Variants in BCL2L12 observed in about 807,000 individuals in gnomAD.
BCL2L12 encodes bcl-2-like protein 12.
BCL2L12 carries 27 observed loss-of-function variants against 25.7 expected under a neutral mutation model. The observed-to-expected ratio is 1.05, with a 90% confidence interval of 0.78 to 1.45. BCL2L12 has a LOEUF of 1.45. BCL2L12 is among the 40% of genes most tolerant of loss of function. The probability of loss-of-function intolerance (pLI) is 0.00; values close to 1 mark genes in which losing one functional copy is unlikely to be tolerated. For missense variants in BCL2L12, 302 were observed against 329.8 expected (o/e 0.92, Z 0.65); for synonymous variants, 132 against 145.6 (o/e 0.91, Z 0.67).
rs1256400432 is a variant in BCL2L12, at chr19:49,672,900, C to T, written c.703-798C>T. On this transcript the variant is annotated intron_variant, in intron 6 of 6. Coordinates refer to ENST00000246784, the MANE Select transcript of BCL2L12 (RefSeq NM_138639.2). This position sits in a 1 kb window ranked among gnomAD's most constrained non-coding sequence, Gnocchi z 4.1. ...TTTTAATTTTTCAGATGGAGTCTCA[C>T]TCTATTGCCCAGACTGGAGTGCAGT... 6.6e-6 allele frequency among the ~76,000 whole-genome samples: 1 copy of T among 152,220 alleles called. No homozygotes were observed. Among genetic ancestry groups the T allele is most frequent in the African/African-American group, 2.4e-5 (1 of 41,458 alleles).
intron 5 of BCL2L12, 150 bp from the exon 6 acceptor site, chr19:49,670,066 A>G: frequency 9.3e-7 from 1 of 1,076,090 alleles, no homozygotes; most frequent in Non-Finnish European, 1.3e-6. Flanking sequence ...GAGACCCTGG[A>G]GTCTGGCTTG....
intron 1 of BCL2L12, among the ~76,000 whole-genome samples, chr19:49,666,385 G>A (rs932280934): frequency 4.6e-5 from 7 of 152,180 alleles, no homozygotes; most frequent in African/African-American, 1.7e-4. Context: ...AGACCTAAGG[G>A]TCTGGGGCTC....
At chr19:49,668,555 G>C (rs1209457393) in intron 3 of BCL2L12, among the ~76,000 whole-genome samples, 2 of 152,024 alleles carry the variant, frequency 1.3e-5, no homozygotes, top group African/African-American at 4.8e-5. Context: ...TGTAATCCTA[G>C]CACTTTGGGA....
chr19:49,665,689 G>C (rs1193357460), upstream of BCL2L12: 7 of 1,233,740 alleles, frequency 5.7e-6, no homozygotes, highest in Admixed American at 2.4e-5. Flanking sequence ...TTGGAGCTCC[G>C]GGTAGCTCTC....
intron 6 of BCL2L12, among the ~76,000 whole-genome samples, chr19:49,673,260 A>G (rs897811778): frequency 4.6e-5 from 7 of 151,860 alleles, no homozygotes; most frequent in African/African-American, 1.7e-4. Flanking sequence ...GAATGATCCC[A>G]TTTAAACCCA....
At position 49,666,715 on chromosome 19, in the gene BCL2L12, G is replaced by T. The variant is rs766881200; in HGVS notation, c.23G>T (p.Gly8Val). MAGSEEL[G>V]LREDTLRVLA... The stretch of plus-strand genomic sequence containing the variant: ...TCCATGGCAGGCTCTGAAGAGCTGG[G>T]GCTCCGGGAAGACACGCTGAGGGTC... Residue 8 changes from glycine to valine, a missense_variant, in exon 2 of 7, where the codon GGG becomes GTG. Transcript: ENST00000246784. 7.1e-6 allele frequency: 11 copies of T among 1,554,842 alleles called. No individual in the cohort carries two copies. Among genetic ancestry groups the T allele is most frequent in the South Asian group, 5.9e-5 (5 of 84,354 alleles).
At position 49,670,343 on chromosome 19, in the gene BCL2L12, C is replaced by T. The variant is rs1370531087; in HGVS notation, c.557C>T (p.Pro186Leu). The T allele has an allele frequency of 1.1e-5, 18 of 1,599,028 alleles. No individual in the cohort carries two copies. The highest frequency in any genetic ancestry group is 4.0e-5 in the African/African-American group (3 of 74,600). ...CCAAGCCGAGCATGCCCCGGGCCCC[C>T]GCCTCCTTCCCCGGAGCCCCTGGCC... is the stretch of plus-strand genomic sequence containing the variant. ...SRPSRACPGP[P>L]PPSPEPLARL... Residue 186 changes from proline (P) to leucine (L), a missense_variant, in exon 6 of 7, where the codon CCG (proline) becomes CTG (leucine). Transcript: ENST00000246784.
chr19:49,671,984 TGGA>T (rs2081970012), intron 6 of BCL2L12: 1 of 152,350 alleles, frequency 6.6e-6, no homozygotes, highest in South Asian at 2.1e-4. Flanking sequence ...CAACAGATGG[TGGA>T]ATTGACTTGT....
At chr19:49,671,790 C>G (rs1344198551) in intron 6 of BCL2L12, among the ~76,000 whole-genome samples, 3 of 152,134 alleles carry the variant, frequency 2.0e-5, no homozygotes, top group Non-Finnish European at 2.9e-5. Flanking sequence ...TCCAACAGTG[C>G]CTGCCAGGAT....
chr19:49,665,945 G>C lies in BCL2L12; in HGVS notation c.-131G>C, dbSNP rs761874395. The stretch of plus-strand genomic sequence containing the variant: ...CCCAGCGTTCCGCCCTTTCTACGCT[G>C]GGCCGGTTATCGACCCGGCCCAGTG... On this transcript the variant is annotated 5_prime_UTR_variant, in exon 1 of 7. Coordinates refer to ENST00000246784, the MANE Select transcript of BCL2L12 (RefSeq NM_138639.2). 6.2e-7 allele frequency: 1 copy of C among 1,613,584 alleles called. No homozygotes were observed. Among genetic ancestry groups the C allele is most frequent in the Non-Finnish European group, 8.5e-7 (1 of 1,179,814 alleles).
At position 49,666,901 on chromosome 19, in the gene BCL2L12, A is replaced by G. The variant is rs967704961; in HGVS notation, c.107+102A>G. ...GTCTCCTCTCTTTATATCTGGCTCT[A>G]TTCTCTGTCTTTGGGGTTTTGGAGA... On this transcript the variant is annotated intron_variant, in intron 2 of 6. Transcript: ENST00000246784. 7 of 1,519,964 alleles carry G rather than the reference A, an allele frequency of 4.6e-6. No individual in the cohort carries two copies. The Middle Eastern group carries it at 5.1e-4, about 111-fold the overall frequency. The allele number at this position is 1,519,964 out of a possible 1,614,324, so 94.2% of individuals were successfully genotyped here.
At chr19:49,665,166 T>C (rs1040396155), upstream of BCL2L12, 1 of 310,578 alleles carries the variant, frequency 3.2e-6, no homozygotes, top group Non-Finnish European at 6.1e-6. Flanking sequence ...ACTTTCAGGG[T>C]AGCATCCTCT....
In BCL2L12 at chr19:49,670,238, G is replaced by A. The variant is rs3210720; in HGVS notation, c.452G>A (p.Arg151His). The change falls in exon 6 of 7, where the codon CGC becomes CAC. Residue 151 changes from arginine (R) to histidine (H), a missense_variant. Physicochemically the swap from Arg to His is conservative, Grantham distance 29. Coordinates refer to ENST00000246784, the MANE Select transcript of BCL2L12 (RefSeq NM_138639.2). ...NQKLASDPALRSKLVRLSSDS... is the reference protein window; with the variant it reads ...NQKLASDPALHSKLVRLSSDS... ...CAGCTGGCCTCGGACCCCGCCCTGC[G>A]CAGCAAGCTGGTCCGCCTGTCCTCC... 1.2e-6 allele frequency: 2 copies of A among 1,607,878 alleles called. No homozygotes were observed. Among genetic ancestry groups the A allele is most frequent in the Non-Finnish European group, 8.5e-7 (1 of 1,179,514 alleles).
chr19:49,673,578 C>T (rs1351713814), intron 6 of BCL2L12, 120 bp from the exon 7 acceptor site: 3 of 828,516 alleles, frequency 3.6e-6, no homozygotes, highest in Non-Finnish European at 6.2e-6. Flanking sequence ...GGGTGTCTGT[C>T]ACCCTCCGCT....
At chr19:49,673,054 C>A (rs1014919830) in intron 6 of BCL2L12, among the ~76,000 whole-genome samples, 1 of 152,138 alleles carries the variant, frequency 6.6e-6, no homozygotes, top group Admixed American at 6.5e-5. Flanking sequence ...TTAGCAGAGA[C>A]GGGGTTTTGC....
chr19:49,669,175 G>A lies in BCL2L12; in HGVS notation c.429+60G>A, dbSNP rs2081896399. The stretch of plus-strand genomic sequence containing the variant: ...AGGAGTTGCGGAATGGTGGGGCACT[G>A]GGATCAGAAGCTGGATCTGTATTTT... On this transcript the variant is annotated intron_variant, in intron 5 of 6. Transcript: ENST00000246784. 16 of 1,589,178 alleles carry A rather than the reference G, an allele frequency of 1.0e-5. No homozygotes were observed. The South Asian group carries it at 1.6e-4, about 16-fold the overall frequency.
intron 5 of BCL2L12, 95 bp from the exon 6 acceptor site, chr19:49,670,121 G>C: frequency 6.8e-7 from 1 of 1,475,002 alleles, no homozygotes; most frequent in Non-Finnish European, 9.0e-7. Context: ...TTAGCATCTA[G>C]AACGATCCTG....
rs2081928507 is a variant in BCL2L12, at chr19:49,670,239, CAGCAA to C, written c.454_458del (p.Ser152AlafsTer18). 11 of 1,608,214 alleles carry C rather than the reference CAGCAA, an allele frequency of 6.8e-6. No individual in the cohort carries two copies. Among genetic ancestry groups the C allele is most frequent in the Non-Finnish European group, 9.3e-6 (11 of 1,179,594 alleles). On this transcript the variant is annotated frameshift_variant, in exon 6 of 7. Coordinates refer to ENST00000246784, the MANE Select transcript of BCL2L12 (RefSeq NM_138639.2). LOFTEE classifies it high-confidence loss of function. ...AGCTGGCCTCGGACCCCGCCCTGCG[CAGCAA>C]GCTGGTCCGCCTGTCCTCCGACTCT...
At position 49,670,412 on chromosome 19, in the gene BCL2L12, T is replaced by TG. The variant is rs1555765629; in HGVS notation, c.632dup (p.Thr212HisfsTer50). ...GAGCTGAGCCGGCGCGTGGCCGGGCTGGGGGGCACCCTGGCCGGACTCAGC... is the reference window on the plus strand; with the variant it reads ...GAGCTGAGCCGGCGCGTGGCCGGGCTGGGGGGGCACCCTGGCCGGACTCAGC... On this transcript the variant is annotated frameshift_variant, in exon 6 of 7. Coordinates refer to ENST00000246784, the MANE Select transcript of BCL2L12 (RefSeq NM_138639.2). LOFTEE classifies it high-confidence loss of function. The TG allele has an allele frequency of 1.3e-6, 2 of 1,544,448 alleles. No individual in the cohort carries two copies. The highest frequency in any genetic ancestry group is 8.7e-7 in the Non-Finnish European group (1 of 1,148,842).
Sources: gnomAD v4.1 joint callset for allele counts (sites outside exome capture counted in the v4.1 genomes callset) on GRCh38, gnomAD v4.1.1 for gene constraint, Gnocchi (gnomAD v3.1) non-coding constraint, MANE v1.5 for transcripts, NCBI Gene and HGNC (gene_info 2026-07-23, HGNC 2026-07-21) for gene names.